The following ELAVL2 variants were observed in gnomAD, a reference collection of about 807,000 sequenced individuals.
ELAVL2 encodes ELAV-like protein 2.
In ELAVL2, 4 loss-of-function variants were observed where a neutral mutation model predicts 34.6. The observed-to-expected ratio is 0.12, with a 90% CI of 0.06 to 0.26. The LOEUF is 0.26. Among genes scored for constraint, ELAVL2 ranks in the 10% least tolerant of loss-of-function variants. The pLI, the probability that ELAVL2 is intolerant of heterozygous loss-of-function variation, is 1.00. For missense variants in ELAVL2, 432 were observed against 442.8 expected, an observed-to-expected ratio of 0.98 and a Z score of 0.22; for synonymous variants, 193 against 154.8, an observed-to-expected ratio of 1.25 and a Z score of -1.83.
chr9:23,742,914 A>G (rs941107542), intron 2 of ELAVL2, among the ~76,000 whole-genome samples: 7 of 152,188 alleles, frequency 4.6e-5, no homozygotes, highest in Non-Finnish European at 8.8e-5. Flanking sequence ...CATGCTTAGG[A>G]AAAATTCCAA....
At chr9:23,758,008 A>G (rs989840945) in intron 2 of ELAVL2, among the ~76,000 whole-genome samples, 6 of 152,126 alleles carry the variant, frequency 3.9e-5, no homozygotes, top group African/African-American at 1.4e-4. Flanking sequence ...AAAAGGAAAG[A>G]TTTCAAATCT....
At chr9:23,770,336 T>G (rs886365466) in intron 1 of ELAVL2, among the ~76,000 whole-genome samples, 1 of 152,126 alleles carries the variant, frequency 6.6e-6, no homozygotes, top group Admixed American at 6.5e-5. Flanking sequence ...TTGAAGGAGA[T>G]ATGGGCTGGC....
At chr9:23,732,888 C>T (rs1353682868) in intron 2 of ELAVL2, among the ~76,000 whole-genome samples, 1 of 151,872 alleles carries the variant, frequency 6.6e-6, no homozygotes, top group South Asian at 2.1e-4. Context: ...GATCGTCACC[C>T]TAGTCAAAAG....
intron 2 of ELAVL2, among the ~76,000 whole-genome samples, chr9:23,733,253 T>C (rs1157696134): frequency 6.6e-6 from 1 of 150,574 alleles, no homozygotes; most frequent in Non-Finnish European, 1.5e-5. Flanking sequence ...TATATATACA[T>C]ATATGTGTGT....
At chr9:23,707,283 C>A (rs980149548) in intron 3 of ELAVL2, among the ~76,000 whole-genome samples, 2 of 152,134 alleles carry the variant, frequency 1.3e-5, no homozygotes, top group Non-Finnish European at 2.9e-5. Flanking sequence ...TAATATGAAT[C>A]AATGAAAACT....
intron 1 of ELAVL2, among the ~76,000 whole-genome samples, chr9:23,783,255 A>T (rs1374897432): frequency 6.6e-6 from 1 of 152,212 alleles, no homozygotes; most frequent in East Asian, 1.9e-4. Flanking sequence ...TCCAAATTAA[A>T]AACAGCCAAA....
chr9:23,699,049 T>G (rs1587271784), intron 5 of ELAVL2, among the ~76,000 whole-genome samples: 1 of 152,236 alleles, frequency 6.6e-6, no homozygotes. Flanking sequence ...TATTCTCTTC[T>G]TCCAAAATGT....
chr9:23,823,356 T>G (rs2065067818), intron 1 of ELAVL2, among the ~76,000 whole-genome samples: 1 of 152,230 alleles, frequency 6.6e-6, no homozygotes, highest in African/African-American at 2.4e-5. Flanking sequence ...TAGAATGCCC[T>G]ACGCCCTACT....
chr9:23,714,922 T>C (rs1004102801), intron 3 of ELAVL2, among the ~76,000 whole-genome samples: 10 of 152,182 alleles, frequency 6.6e-5, no homozygotes, highest in Non-Finnish European at 2.9e-5. Context: ...AAAATCTCAG[T>C]ACTCACTAGT....
At chr9:23,719,059 A>G (rs2043018369) in intron 3 of ELAVL2, among the ~76,000 whole-genome samples, 1 of 152,200 alleles carries the variant, frequency 6.6e-6, no homozygotes, top group Non-Finnish European at 1.5e-5. Flanking sequence ...TATCATTGCC[A>G]TCTATGCAAC....
At chr9:23,769,363 G>A (rs191106421) in intron 1 of ELAVL2, among the ~76,000 whole-genome samples, 5 of 152,092 alleles carry the variant, frequency 3.3e-5, no homozygotes, top group East Asian at 1.9e-4. Flanking sequence ...TCATCTGCCC[G>A]ACACACACCA....
At chr9:23,850,413 G>T in the ELAVL2 span, among the ~76,000 whole-genome samples, 1 of 152,108 alleles carries the variant, frequency 6.6e-6, no homozygotes, top group Admixed American at 6.5e-5. Flanking sequence ...TGAGGTCTGG[G>T]GTTGGCTGCT....
chr9:23,822,617 C>A (rs1227269789), intron 1 of ELAVL2, among the ~76,000 whole-genome samples: 1 of 152,214 alleles, frequency 6.6e-6, no homozygotes, highest in Non-Finnish European at 1.5e-5. Flanking sequence ...AAACCCACCC[C>A]GGAGCCACGC....
At chr9:23,764,063 G>A (rs1419388964) in intron 1 of ELAVL2, among the ~76,000 whole-genome samples, 2 of 152,102 alleles carry the variant, frequency 1.3e-5, no homozygotes, top group Non-Finnish European at 2.9e-5. Context: ...AAACATAACT[G>A]TTCTGGTTTG....
chr9:23,698,109 G>A (rs1444992512), intron 5 of ELAVL2, among the ~76,000 whole-genome samples: 1 of 152,088 alleles, frequency 6.6e-6, no homozygotes, highest in Non-Finnish European at 1.5e-5. Flanking sequence ...TTTAAAAAAT[G>A]CATAAAGGCT....
In ELAVL2 at chr9:23,701,402, T is replaced by C. The variant is rs770623526; in HGVS notation, c.690A>G (p.Leu230=). 1.3e-5 allele frequency: 21 copies of C among 1,613,996 alleles called. No individual in the cohort carries two copies. Among genetic ancestry groups the C allele is most frequent in the Non-Finnish European group, 1.8e-5 (21 of 1,179,984 alleles). ...ACCTAAAACGCTGTGCCTGCTGAGC[T>C]AGCGGTCCTGGATACCTTCTGTTTG... ...QSPNRRYPGP[L]AQQAQRFRLD... Residue 230 remains leucine, a synonymous_variant, in exon 5 of 7, where the codon CTA becomes CTG. Transcript: ENST00000397312.
intron 1 of ELAVL2, among the ~76,000 whole-genome samples, chr9:23,773,054 C>T (rs918509289): frequency 1.3e-5 from 2 of 151,898 alleles, no homozygotes; most frequent in African/African-American, 2.4e-5. Flanking sequence ...TTATTTACTA[C>T]ATTTCAAGAA....
intron 3 of ELAVL2, among the ~76,000 whole-genome samples, chr9:23,724,615 C>T (rs1392960617): frequency 2.0e-5 from 3 of 152,148 alleles, no homozygotes; most frequent in African/African-American, 7.2e-5. Context: ...TCATCTGTGA[C>T]TTCTCACTTC....
chr9:23,715,558 T>G (rs2042080592), intron 3 of ELAVL2, among the ~76,000 whole-genome samples: 3 of 152,216 alleles, frequency 2.0e-5, no homozygotes, highest in Non-Finnish European at 4.4e-5. Flanking sequence ...TAAATTGGCT[T>G]GCAGAAAATC....
Sources: allele counts gnomAD v4.1 joint callset (sites outside exome capture counted in the v4.1 genomes callset), GRCh38; gene constraint gnomAD v4.1.1; transcripts MANE v1.5; gene names NCBI Gene and HGNC (gene_info 2026-07-23, HGNC 2026-07-21).